Variants in PPP2R2D observed in about 807,000 individuals in gnomAD.
PPP2R2D encodes the protein serine/threonine-protein phosphatase 2A 55 kDa regulatory subunit B delta isoform.
Under a neutral mutation model 31.1 loss-of-function variants are expected in PPP2R2D, and 9 were observed. That is an observed-to-expected ratio of 0.29 (90% CI 0.17 to 0.51). The LOEUF (loss-of-function observed/expected upper bound fraction) is 0.51, where lower values mean the gene tolerates loss of function less well. Among genes scored for constraint, PPP2R2D ranks in the 20% least tolerant of loss-of-function variants. The pLI, the probability that PPP2R2D is intolerant of heterozygous loss-of-function variation, is 0.98. For synonymous variants in PPP2R2D, 179 were observed against 172.6 expected, an observed-to-expected ratio of 1.04 and a Z score of -0.29; for missense variants, 391 against 465.6, an observed-to-expected ratio of 0.84 and a Z score of 1.48.
rs1404160089 is a variant in PPP2R2D, at chr10:131,947,880, C to T, written c.1082+89C>T. On this transcript the variant is annotated intron_variant, in intron 8 of 8. Coordinates refer to ENST00000455566, the MANE Select transcript of PPP2R2D (RefSeq NM_018461.5). This position sits in a 1 kb window ranked among gnomAD's most constrained non-coding sequence, Gnocchi z 4.3. ...GTGAGGGAGGCGAGCTGTCCTCCAG[C>T]GTCAGAGGAGGACGCTCATAGGGTG... is the stretch of plus-strand genomic sequence containing the variant. The T allele has an allele frequency of 1.9e-5, 29 of 1,506,820 alleles. No individual in the cohort carries two copies. The highest frequency in any genetic ancestry group is 1.2e-4 in the African/African-American group (9 of 72,578). The allele number at this position is 1,506,820 out of a possible 1,614,324, so 93.3% of individuals were successfully genotyped here.
rs1554900080 is a variant in PPP2R2D, at chr10:131,956,753, C to G, written c.*790C>G. On this transcript the variant is annotated 3_prime_UTR_variant, in exon 9 of 9. Transcript: ENST00000455566. ...TACACCAGGTAAGGTCTGGGAAAAGCCAGAACCGAGGCCACCTCTGAGAAA... is the reference window on the plus strand; with the variant it reads ...TACACCAGGTAAGGTCTGGGAAAAGGCAGAACCGAGGCCACCTCTGAGAAA... 4.1e-6 allele frequency: 1 copy of G among 241,770 alleles called. No individual in the cohort carries two copies. The highest frequency in any genetic ancestry group is 2.3e-5 in the African/African-American group (1 of 43,044). The allele number at this position is 241,770 out of a possible 1,614,324, so 15.0% of individuals were successfully genotyped here.
At chr10:131,935,145 A>T (rs1314505828) in intron 3 of PPP2R2D, 1 of 348,112 alleles carries the variant, frequency 2.9e-6, no homozygotes, top group Non-Finnish European at 5.7e-6. Flanking sequence ...CTGCCTTTTC[A>T]CTGATGCCTT....
intron 2 of PPP2R2D, among the ~76,000 whole-genome samples, chr10:131,915,926 A>C (rs1365566417): frequency 4.6e-5 from 7 of 152,202 alleles, no homozygotes; most frequent in African/African-American, 1.7e-4. Context: ...AGAATGAGAA[A>C]GTTTTTACTT....
At chr10:131,937,072 G>A (rs868933689) in intron 3 of PPP2R2D, among the ~76,000 whole-genome samples, 13 of 152,350 alleles carry the variant, frequency 8.5e-5, no homozygotes, top group Non-Finnish European at 1.6e-4. Context: ...GTTCACAGGC[G>A]TCCACGTGTG....
intron 6 of PPP2R2D, among the ~76,000 whole-genome samples, chr10:131,944,864 A>G (rs1419474719): frequency 6.6e-6 from 1 of 152,212 alleles, no homozygotes; most frequent in African/African-American, 2.4e-5. Flanking sequence ...GCTACACAGA[A>G]TAAGCTCTTC....
In PPP2R2D at chr10:131,932,607, C is replaced by T. The variant is rs137873453; in HGVS notation, c.101-1851C>T. 7.0e-3 allele frequency among the ~76,000 whole-genome samples: 869 copies of T among 124,062 alleles called. 5 individuals are homozygous for T. Among genetic ancestry groups the T allele is most frequent in the Non-Finnish European group, 0.01 (663 of 63,970 alleles). The allele number at this position is 124,062 out of a possible 152,430, so 81.4% of individuals were successfully genotyped here. The stretch of plus-strand genomic sequence containing the variant: ...ACTTGCACCCTGGAGATGGAGGTTG[C>T]GGTGAGCCAAGATCGCGCCACTGTA... On this transcript the variant is annotated intron_variant, in intron 2 of 8. Transcript: ENST00000455566.
At chr10:131,970,630 T>C in the PPP2R2D span, 1 of 1,613,364 alleles carries the variant, frequency 6.2e-7, no homozygotes, top group Admixed American at 1.7e-5. The surrounding 1 kb of genome is among the most constrained non-coding windows in gnomAD (Gnocchi z 4.1). Flanking sequence ...CACAGTCACA[T>C]CACCTACCCC....
intron 2 of PPP2R2D, among the ~76,000 whole-genome samples, chr10:131,913,282 C>T (rs1018015653): frequency 1.3e-5 from 2 of 151,576 alleles, no homozygotes; most frequent in African/African-American, 4.9e-5. Context: ...CCGCCCACCT[C>T]GGCCTCCCAA....
rs1367129519 is a variant in PPP2R2D at position 131,953,219 on chromosome 10, TG to T, written c.1083-2458del. Among the ~76,000 whole-genome samples, 41 of 24,508 alleles carry T rather than the reference TG, an allele frequency of 1.7e-3. 1 individual carries two copies. Among genetic ancestry groups the T allele is most frequent in the African/African-American group, 5.9e-3 (28 of 4,778 alleles). The allele number at this position is 24,508 out of a possible 152,430, so 16.1% of individuals were successfully genotyped here. ...CTTAGCAGTGACTTGCGGTTGTGTG[TG>T]GGGGGGTTCACTGTCTTAGCAGTGA... is the stretch of plus-strand genomic sequence containing the variant. On this transcript the variant is annotated intron_variant, in intron 8 of 8. Transcript: ENST00000455566.
intron 3 of PPP2R2D, among the ~76,000 whole-genome samples, chr10:131,938,118 C>T (rs2036377235): frequency 1.3e-5 from 2 of 152,210 alleles, no homozygotes; most frequent in Non-Finnish European, 2.9e-5. Flanking sequence ...AGCTTCTGCC[C>T]GTGGAGGCTT....
chr10:131,949,779 A>G (rs1256315703), intron 8 of PPP2R2D, among the ~76,000 whole-genome samples: 6 of 140,286 alleles, frequency 4.3e-5, no homozygotes, highest in Non-Finnish European at 7.7e-5. Context: ...GAAAGGAGTC[A>G]GAGAACATCT....
chr10:131,924,302 ATATAAT>A (rs1564815117), intron 2 of PPP2R2D, among the ~76,000 whole-genome samples: 2 of 152,110 alleles, frequency 1.3e-5, no homozygotes, highest in Non-Finnish European at 2.9e-5. Context: ...CCATGTTTAT[ATATAAT>A]TATATATAGA....
intron 2 of PPP2R2D, among the ~76,000 whole-genome samples, chr10:131,915,969 A>G (rs1162152138): frequency 6.6e-6 from 1 of 152,246 alleles, no homozygotes; most frequent in Non-Finnish European, 1.5e-5. Flanking sequence ...TGTTCATTAA[A>G]GAATTCAGTA....
intron 2 of PPP2R2D, among the ~76,000 whole-genome samples, chr10:131,929,745 TG>T (rs1479845127): frequency 1.3e-5 from 2 of 152,170 alleles, no homozygotes; most frequent in African/African-American, 4.8e-5. Flanking sequence ...CTGGGGCACA[TG>T]GTCCTGACTT....
At chr10:131,901,928 A>C (rs1486859916) in intron 2 of PPP2R2D, among the ~76,000 whole-genome samples, 1 of 152,230 alleles carries the variant, frequency 6.6e-6, no homozygotes, top group African/African-American at 2.4e-5. Flanking sequence ...CTCTACTGAT[A>C]TATTTTAAGG....
intron 2 of PPP2R2D, among the ~76,000 whole-genome samples, chr10:131,925,494 T>TA (rs1344978764): frequency 6.6e-6 from 1 of 152,238 alleles, no homozygotes; most frequent in East Asian, 1.9e-4. Flanking sequence ...TAGGATATGG[T>TA]ATACTTCTCA....
chr10:131,970,861 C>CA, the PPP2R2D span: 1 of 1,614,246 alleles, frequency 6.2e-7, no homozygotes, highest in Non-Finnish European at 8.5e-7. This position sits in a 1 kb window ranked among gnomAD's most constrained non-coding sequence, Gnocchi z 4.1. Context: ...AGAACACACT[C>CA]ACTTGGGGGG....
chr10:131,913,177 C>A (rs2119750712), intron 2 of PPP2R2D, among the ~76,000 whole-genome samples: 1 of 145,230 alleles, frequency 6.9e-6, no homozygotes, highest in South Asian at 2.2e-4. Context: ...GCCACCATGC[C>A]CGGCTAATTT....
intron 2 of PPP2R2D, among the ~76,000 whole-genome samples, chr10:131,915,829 T>C (rs2035769323): frequency 6.6e-6 from 1 of 152,250 alleles, no homozygotes; most frequent in Non-Finnish European, 1.5e-5. Flanking sequence ...AGATAATCGT[T>C]GAAGTAGTAT....
Sources: gnomAD v4.1 joint callset for allele counts (sites outside exome capture counted in the v4.1 genomes callset) on GRCh38, gnomAD v4.1.1 for gene constraint, Gnocchi (gnomAD v3.1) non-coding constraint, MANE v1.5 for transcripts, NCBI Gene and HGNC (gene_info 2026-07-23, HGNC 2026-07-21) for gene names.